The following SSPN variants were observed in gnomAD, a reference collection of about 807,000 sequenced individuals.
SSPN encodes sarcospan.
SSPN carries 15 observed loss-of-function variants against 19.1 expected under a neutral mutation model. That is an observed-to-expected ratio of 0.78 (90% CI 0.52 to 1.21). The LOEUF (loss-of-function observed/expected upper bound fraction) is 1.21. Among genes scored for constraint, SSPN ranks in the 50% most tolerant of loss-of-function variants. SSPN has a pLI of 0.00. For missense variants in SSPN, 291 were observed against 314.0 expected (o/e 0.93, Z 0.55); for synonymous variants, 147 against 140.3 (o/e 1.05, Z -0.34).
chr12:26,166,423 G>A (rs1944621657), intron 1 of SSPN, among the ~76,000 whole-genome samples: 1 of 152,142 alleles, frequency 6.6e-6, no homozygotes, highest in South Asian at 2.1e-4. Flanking sequence ...TGGTTGAAAG[G>A]AACCATCAAA....
At chr12:26,129,404 G>C (rs1487389116) in intron 1 of SSPN, among the ~76,000 whole-genome samples, 1 of 152,138 alleles carries the variant, frequency 6.6e-6, no homozygotes, top group Non-Finnish European at 1.5e-5. Context: ...TTCGGCTCTT[G>C]GCATGCACAC....
chr12:26,137,458 G>A (rs2137401848), intron 1 of SSPN, among the ~76,000 whole-genome samples: 1 of 151,876 alleles, frequency 6.6e-6, no homozygotes, highest in East Asian at 1.9e-4. Flanking sequence ...TTGCCTAGTT[G>A]GGAGAGGCAA....
chr12:26,201,332 T>G (rs968520799), intron 1 of SSPN, among the ~76,000 whole-genome samples: 2 of 150,312 alleles, frequency 1.3e-5, no homozygotes, highest in Non-Finnish European at 3.0e-5. Context: ...GAGCTGAGAT[T>G]GCACCACTGC....
intron 1 of SSPN, among the ~76,000 whole-genome samples, chr12:26,162,803 A>G (rs1219029321): frequency 6.6e-6 from 1 of 152,188 alleles, no homozygotes; most frequent in Non-Finnish European, 1.5e-5. Flanking sequence ...AAGGAGTAAA[A>G]TTTTCATGAC....
rs11835695 is a variant in SSPN at position 26,231,622 on chromosome 12, C to T, written c.*546C>T. On this transcript the variant is annotated 3_prime_UTR_variant, in exon 3 of 3. Transcript: ENST00000242729. ...AATAGCTTAAAGAGCAGAGTAGAAA[C>T]GGAAGAGGCTTTGCAAAAGGCTAGA... 70,341 of 152,314 alleles carry T rather than the reference C, an allele frequency of 0.46. 16,733 individuals carry two copies. Among genetic ancestry groups the T allele is most frequent in the Non-Finnish European group, 0.52 (35,418 of 68,240 alleles). 9.4% of individuals were successfully genotyped at this position (152,314 alleles called of 1,614,324 possible). A position where few individuals can be genotyped will look rare whatever the true frequency, so the allele number is the denominator to read the frequency against.
intron 1 of SSPN, among the ~76,000 whole-genome samples, chr12:26,172,489 A>C (rs938281600): frequency 6.6e-5 from 10 of 152,220 alleles, no homozygotes; most frequent in African/African-American, 2.4e-5. Context: ...TCTGATGCGA[A>C]AGATGAGGAT....
At chr12:26,122,732 G>A (rs1944323330) in intron 1 of SSPN, 1 of 1,590,548 alleles carries the variant, frequency 6.3e-7, no homozygotes, top group Non-Finnish European at 8.5e-7. Context: ...TGGTGACGCG[G>A]CTCGCCCCCG....
At chr12:26,197,789 G>A (rs967075511) in intron 1 of SSPN, among the ~76,000 whole-genome samples, 1 of 152,152 alleles carries the variant, frequency 6.6e-6, no homozygotes, top group African/African-American at 2.4e-5. Context: ...TATCATCTAG[G>A]ATTCATTTGA....
intron 1 of SSPN, among the ~76,000 whole-genome samples, chr12:26,216,974 G>C (rs1450126412): frequency 9.4e-5 from 12 of 127,542 alleles, no homozygotes; most frequent in African/African-American, 3.5e-4. Context: ...TTTGGTTACT[G>C]TAGCCTTGTA....
chr12:26,124,037 T>C (rs1944339614), intron 1 of SSPN: 1 of 1,384,386 alleles, frequency 7.2e-7, no homozygotes, highest in Non-Finnish European at 1.0e-6. Context: ...AACACGCCCT[T>C]GGAGAGCAGC....
chr12:26,194,224 G>A (rs991020615), upstream of SSPN, among the ~76,000 whole-genome samples: 14 of 152,188 alleles, frequency 9.2e-5, no homozygotes, highest in Admixed American at 9.2e-4. Context: ...AGAATAATCA[G>A]TTTTATTGAT....
chr12:26,122,640 C>T, intron 1 of SSPN: 1 of 1,295,492 alleles, frequency 7.7e-7, no homozygotes, highest in Non-Finnish European at 9.9e-7. Context: ...GCCCCCCGGG[C>T]CGCCGCCGCT....
At chr12:26,189,150 A>C (rs1188735406) in intron 1 of SSPN, among the ~76,000 whole-genome samples, 2 of 152,168 alleles carry the variant, frequency 1.3e-5, no homozygotes, top group Non-Finnish European at 1.5e-5. Context: ...GCCTATAAAG[A>C]TACATAAACC....
intron 2 of SSPN, among the ~76,000 whole-genome samples, chr12:26,227,939 T>C (rs1330567445): frequency 6.6e-6 from 1 of 152,212 alleles, no homozygotes. Context: ...AGCCAAAAAG[T>C]CATCTTTTAA....
rs781029949 is a variant in SSPN, at chr12:26,230,746, G to A, written c.402G>A (p.Thr134=). 9 of 1,613,944 alleles carry A rather than the reference G, an allele frequency of 5.6e-6. No homozygotes were observed. The East Asian group carries it at 8.9e-5, about 16-fold the overall frequency. The stretch of plus-strand genomic sequence containing the variant: ...TTCTGCTGAGTGCCCTGGGCCTGAC[G>A]GTCTGTGTGCTGGCCGTGGCCTTTG... ...LYFLLSALGL[T]VCVLAVAFAA... The change falls in exon 3 of 3, where the codon ACG becomes ACA. Residue 134 remains threonine (T), a synonymous_variant. Transcript: ENST00000242729.
chr12:26,180,534 T>C (rs1944712312), intron 1 of SSPN: 1 of 152,194 alleles, frequency 6.6e-6, no homozygotes, highest in African/African-American at 2.4e-5. Flanking sequence ...AACCACTACA[T>C]TTAAGAAATT....
chr12:26,122,399 C>T, intron 1 of SSPN: 1 of 1,283,606 alleles, frequency 7.8e-7, no homozygotes, highest in Non-Finnish European at 9.9e-7. Context: ...GATACTTCTC[C>T]AGGCCGCTCT....
At chr12:26,133,295 C>A (rs1323878963) in intron 1 of SSPN, among the ~76,000 whole-genome samples, 2 of 152,076 alleles carry the variant, frequency 1.3e-5, no homozygotes, top group Non-Finnish European at 2.9e-5. Flanking sequence ...CATTCTCAAC[C>A]CCTTCATCTC....
chr12:26,169,636 A>G (rs1430932155), intron 1 of SSPN, among the ~76,000 whole-genome samples: 1 of 152,096 alleles, frequency 6.6e-6, no homozygotes, highest in African/African-American at 2.4e-5. Context: ...TCCTTTCAGG[A>G]CAGCCAGGCT....
Sources: gnomAD v4.1 joint callset for allele counts (sites outside exome capture counted in the v4.1 genomes callset) on GRCh38, gnomAD v4.1.1 for gene constraint, MANE v1.5 for transcripts, NCBI Gene and HGNC (gene_info 2026-07-23, HGNC 2026-07-21) for gene names.